The following C6orf62 variants were observed in gnomAD, a reference collection of about 807,000 sequenced individuals.
C6orf62 encodes the protein uncharacterized protein C6orf62.
Under a neutral mutation model 26.8 loss-of-function variants are expected in C6orf62, and 16 were observed. The observed-to-expected ratio is 0.60, with a 90% confidence interval of 0.40 to 0.91. The LOEUF (loss-of-function observed/expected upper bound fraction) is 0.91. C6orf62 is among the 40% of genes least tolerant of loss of function. The probability of loss-of-function intolerance (pLI) is 0.00; values close to 1 mark genes in which losing one functional copy is unlikely to be tolerated. For synonymous variants in C6orf62, 112 were observed against 91.5 expected, an observed-to-expected ratio of 1.22 and a Z score of -1.28; for missense variants, 192 against 271.4, an observed-to-expected ratio of 0.71 and a Z score of 2.06.
rs139717677 is a variant in C6orf62 at position 24,715,848 on chromosome 6, C to CAAA, written c.306+297_306+299dup. On this transcript the variant is annotated intron_variant, in intron 2 of 4. Coordinates refer to ENST00000378119, the MANE Select transcript of C6orf62 (RefSeq NM_030939.5). ...TCAGCGAAAGAGCAAGACTTTGTCT[C>CAAA]AAAAAAAAAAAAAAAAAAAAAAGTC... Among the ~76,000 whole-genome samples the CAAA allele has an allele frequency of 2.8e-3, 178 of 63,510 alleles. 2 individuals carry two copies. Among genetic ancestry groups the CAAA allele is most frequent in the Middle Eastern group, 0.015 (2 of 132 alleles). 41.7% of individuals were successfully genotyped at this position (63,510 alleles called of 152,430 possible).
upstream of C6orf62, chr6:24,720,501 G>T: frequency 1.8e-6 from 1 of 563,392 alleles, no homozygotes; most frequent in Non-Finnish European, 2.3e-6. Context: ...CGGCAACAGG[G>T]AGAGAAAAAG....
chr6:24,712,936 C>A (rs1471610697), intron 3 of C6orf62, among the ~76,000 whole-genome samples: 1 of 152,186 alleles, frequency 6.6e-6, no homozygotes, highest in Non-Finnish European at 1.5e-5. Flanking sequence ...CAGAGAGCAG[C>A]TAGAGTTATC....
chr6:24,709,401 T>C (rs920506577), intron 3 of C6orf62: 15 of 982,200 alleles, frequency 1.5e-5, no homozygotes, highest in Admixed American at 6.3e-5. Context: ...ACATTGTTAA[T>C]TGCTGTTTCT....
chr6:24,716,953 C>G (rs1474395924), intron 1 of C6orf62, among the ~76,000 whole-genome samples: 1 of 152,092 alleles, frequency 6.6e-6, no homozygotes, highest in Non-Finnish European at 1.5e-5. Context: ...GAACTCCTGA[C>G]CTCAAGTGAT....
chr6:24,707,488 G>C (rs1354249626), intron 4 of C6orf62, among the ~76,000 whole-genome samples: 1 of 151,756 alleles, frequency 6.6e-6, no homozygotes, highest in Non-Finnish European at 1.5e-5. Flanking sequence ...CTCCAGAGTA[G>C]CTAGGACCAC....
intron 4 of C6orf62, chr6:24,707,222 T>G (rs1009614231): frequency 1.3e-5 from 2 of 152,228 alleles, no homozygotes; most frequent in Non-Finnish European, 2.9e-5. Context: ...GATTATCATT[T>G]GTTCAATTTC....
At chr6:24,715,793 G>A (rs1365336860) in intron 2 of C6orf62, among the ~76,000 whole-genome samples, 1 of 141,890 alleles carries the variant, frequency 7.0e-6, no homozygotes, top group East Asian at 2.1e-4. Context: ...AGGTTGCAGT[G>A]AGCCAAGATC....
chr6:24,719,071 A>G lies in C6orf62; in HGVS notation c.-403T>C. On this transcript the variant is annotated 5_prime_UTR_variant, in exon 1 of 5. Coordinates refer to ENST00000378119, the MANE Select transcript of C6orf62 (RefSeq NM_030939.5). ...AATAAAACACAGCTGACACCAGACC[A>G]ATCCCTAAAATCCATCCGGATTTTC... 1.0e-6 allele frequency: 1 copy of G among 996,034 alleles called. No homozygotes were observed. The allele number at this position is 996,034 out of a possible 1,614,324, so 61.7% of individuals were successfully genotyped here.
At position 24,719,026 on chromosome 6, in the gene C6orf62, T is replaced by C. The variant is rs1220949895; in HGVS notation, c.-358A>G. On this transcript the variant is annotated 5_prime_UTR_variant, in exon 1 of 5. Transcript: ENST00000378119. ...GCTTTGCGGAGAAATGAAAAGCCTA[T>C]AATCAGGATTTAGGTGTGCAATAAA... The C allele has an allele frequency of 9.0e-7, 1 of 1,110,182 alleles. No individual in the cohort carries two copies. Among genetic ancestry groups the C allele is most frequent in the African/African-American group, 1.7e-5 (1 of 58,654 alleles). The allele number at this position is 1,110,182 out of a possible 1,614,324, so 68.8% of individuals were successfully genotyped here.
chr6:24,716,373 T>C (rs1359482944), intron 1 of C6orf62, 49 bp from the exon 2 acceptor site: 1 of 1,330,044 alleles, frequency 7.5e-7, no homozygotes, highest in Non-Finnish European at 1.1e-6. Flanking sequence ...CACAGCCTTT[T>C]AACACTCAGT....
upstream of C6orf62, chr6:24,720,242 C>G: frequency 7.7e-7 from 1 of 1,299,354 alleles, no homozygotes; most frequent in Non-Finnish European, 9.7e-7. Flanking sequence ...GGTTTGGGCC[C>G]TCTAGCCGCA....
intron 2 of C6orf62, among the ~76,000 whole-genome samples, 192 bp downstream of exon 2, chr6:24,715,956 G>A (rs1024122394): frequency 5.4e-5 from 8 of 148,036 alleles, no homozygotes; most frequent in African/African-American, 1.0e-4. Flanking sequence ...GTAAAAAAAC[G>A]TGTTTTTCTA....
chr6:24,708,004 C>G (rs1317717991), intron 4 of C6orf62, among the ~76,000 whole-genome samples: 1 of 149,896 alleles, frequency 6.7e-6, no homozygotes, highest in Admixed American at 6.6e-5. Context: ...GAGACTCCCT[C>G]TCAAGAAAAA....
At chr6:24,708,252 G>GT (rs1254656648) in intron 4 of C6orf62, among the ~76,000 whole-genome samples, 4 of 79,502 alleles carry the variant, frequency 5.0e-5, no homozygotes, top group Non-Finnish European at 8.2e-5. Context: ...GTTTTTTCCC[G>GT]TTTAAAAAAA....
intron 3 of C6orf62, among the ~76,000 whole-genome samples, chr6:24,711,472 T>A (rs1015378049): frequency 1.3e-5 from 2 of 152,056 alleles, no homozygotes; most frequent in Admixed American, 6.6e-5. Context: ...TCCGATTATA[T>A]CCTCACTACC....
rs1779297077 is a variant in C6orf62, at chr6:24,719,021, G to T, written c.-353C>A. ...TAAAGGCTTTGCGGAGAAATGAAAA[G>T]CCTATAATCAGGATTTAGGTGTGCA... is the stretch of plus-strand genomic sequence containing the variant. On this transcript the variant is annotated 5_prime_UTR_variant, in exon 1 of 5. Transcript: ENST00000378119. 1 of 1,111,342 alleles carries T rather than the reference G, an allele frequency of 9.0e-7. No individual in the cohort carries two copies. The allele number at this position is 1,111,342 out of a possible 1,614,324, so 68.8% of individuals were successfully genotyped here.
At chr6:24,706,360 T>A in intron 4 of C6orf62, 98 bp from the exon 5 acceptor site, 1 of 1,502,860 alleles carries the variant, frequency 6.7e-7, no homozygotes, top group Non-Finnish European at 8.9e-7. Context: ...CATCTTAACA[T>A]ACAGAGTAAG....
At chr6:24,714,477 A>G in intron 2 of C6orf62, 37 bp from the exon 3 acceptor site, 1 of 1,496,562 alleles carries the variant, frequency 6.7e-7, no homozygotes. Flanking sequence ...TTTACTTTTA[A>G]AGAAACAGCT....
At chr6:24,709,684 GTTATCAA>G (rs1030310364) in intron 3 of C6orf62, 15 of 985,250 alleles carry the variant, frequency 1.5e-5, no homozygotes, top group Non-Finnish European at 1.8e-5. Context: ...ATGAAAGACT[GTTATCAA>G]TTAAGTCAGA....
Sources: gnomAD v4.1 joint callset for allele counts (sites outside exome capture counted in the v4.1 genomes callset) on GRCh38, gnomAD v4.1.1 for gene constraint, MANE v1.5 for transcripts, NCBI Gene and HGNC (gene_info 2026-07-23, HGNC 2026-07-21) for gene names.